The following DLG2 variants were observed in gnomAD, a reference collection of about 807,000 sequenced individuals.
DLG2 encodes the protein disks large homolog 2.
DLG2 carries 45 observed loss-of-function variants against 132.5 expected under a neutral mutation model. The ratio of observed to expected loss-of-function variants is 0.34; its 90% CI spans 0.27 to 0.44. DLG2 has a LOEUF of 0.44. Ranked by LOEUF, DLG2 falls within the 20% of genes least tolerant of loss-of-function variation. The pLI is 1.00. For missense variants in DLG2, 1,045 were observed against 1,196.9 expected (o/e 0.87, Z 1.87); for synonymous variants, 424 against 419.6 (o/e 1.01, Z -0.13).
At chr11:84,580,417 A>G (rs546187018) in intron 6 of DLG2, among the ~76,000 whole-genome samples, 27 of 152,318 alleles carry the variant, frequency 1.8e-4, no homozygotes, top group African/African-American at 6.3e-4. Flanking sequence ...TCTTACACAC[A>G]CTACATTAAC....
At chr11:84,385,326 T>G (rs2098765468) in intron 7 of DLG2, among the ~76,000 whole-genome samples, 1 of 152,130 alleles carries the variant, frequency 6.6e-6, no homozygotes, top group Non-Finnish European at 1.5e-5. Flanking sequence ...ATTATTTCAG[T>G]TCTATGAACA....
intron 6 of DLG2, among the ~76,000 whole-genome samples, chr11:84,700,990 A>C (rs575897255): frequency 6.6e-6 from 1 of 151,508 alleles, no homozygotes; most frequent in East Asian, 2.0e-4. Flanking sequence ...TCTGCTTTCC[A>C]TTCTGGCTTT....
At chr11:84,560,348 T>A (rs2099423760) in intron 6 of DLG2, among the ~76,000 whole-genome samples, 1 of 152,050 alleles carries the variant, frequency 6.6e-6, no homozygotes, top group Admixed American at 6.6e-5. Flanking sequence ...CAGTCCCCAT[T>A]AGGAGGGCTC....
At chr11:84,087,666 G>A (rs1280030188) in intron 10 of DLG2, among the ~76,000 whole-genome samples, 2 of 152,192 alleles carry the variant, frequency 1.3e-5, no homozygotes, top group South Asian at 2.1e-4. Flanking sequence ...ATAAAGAAGA[G>A]TTAGTAGAGT....
At chr11:85,488,208 G>A (rs1008350522) in intron 3 of DLG2, among the ~76,000 whole-genome samples, 2 of 152,132 alleles carry the variant, frequency 1.3e-5, no homozygotes, top group African/African-American at 4.8e-5. Context: ...GGTGAATGTG[G>A]TGAAACCCCA....
rs539664321 is a variant in DLG2, at chr11:84,270,364, T to C, written c.520-19073A>G. On this transcript the variant is annotated intron_variant, in intron 7 of 27. Coordinates refer to ENST00000376104, the MANE Select transcript of DLG2 (RefSeq NM_001142699.3). ...AACTTGCTTGAGACTCCAGATTTTA[T>C]TTACATCTTGTTAACTCTAGGGGAG... Among the ~76,000 whole-genome samples, 4 of 152,328 alleles carry C rather than the reference T, an allele frequency of 2.6e-5. No homozygotes were observed. In the South Asian group the frequency reaches 8.3e-4, roughly 32 times the overall value.
intron 3 of DLG2, among the ~76,000 whole-genome samples, chr11:85,539,115 C>T (rs572975932): frequency 1.3e-5 from 2 of 152,050 alleles, no homozygotes; most frequent in South Asian, 4.1e-4. Context: ...GAATGCCACA[C>T]ATGGATCAAG....
chr11:83,538,173 C>A (rs1007826044), intron 20 of DLG2, among the ~76,000 whole-genome samples: 1 of 152,204 alleles, frequency 6.6e-6, no homozygotes, highest in Non-Finnish European at 1.5e-5. Context: ...TATGATAACG[C>A]TGCCCATAAT....
chr11:83,863,055 T>C (rs1180663353), intron 16 of DLG2, among the ~76,000 whole-genome samples: 1 of 152,128 alleles, frequency 6.6e-6, no homozygotes, highest in Non-Finnish European at 1.5e-5. Context: ...ATATAGGCAA[T>C]CAAGAAGAGA....
chr11:84,493,417 C>T (rs1021986556), intron 7 of DLG2, among the ~76,000 whole-genome samples: 1 of 152,016 alleles, frequency 6.6e-6, no homozygotes, highest in Non-Finnish European at 1.5e-5. Flanking sequence ...TCCTAGTCAC[C>T]CATAAACTCT....
At chr11:83,494,871 A>G (rs1027970187) in intron 21 of DLG2, among the ~76,000 whole-genome samples, 21 of 152,302 alleles carry the variant, frequency 1.4e-4, no homozygotes, top group African/African-American at 4.3e-4. Context: ...CAACCAAATG[A>G]GATAGGCCAC....
chr11:85,438,734 T>C (rs1283114906), intron 3 of DLG2, among the ~76,000 whole-genome samples: 2 of 152,178 alleles, frequency 1.3e-5, no homozygotes, highest in Admixed American at 6.5e-5. Context: ...TCTATACAAT[T>C]TTATCATGTA....
chr11:84,606,351 G>A (rs972816265), intron 6 of DLG2, among the ~76,000 whole-genome samples: 1 of 152,040 alleles, frequency 6.6e-6, no homozygotes, highest in Non-Finnish European at 1.5e-5. Context: ...TATATAATGT[G>A]TGTCACTGTT....
intron 4 of DLG2, among the ~76,000 whole-genome samples, chr11:85,256,642 C>G (rs1414250794): frequency 6.6e-6 from 1 of 152,180 alleles, no homozygotes; most frequent in African/African-American, 2.4e-5. Flanking sequence ...ACCCGCCCAT[C>G]TGCATGCTCC....
chr11:84,180,649 A>AT (rs1395535854), intron 8 of DLG2, among the ~76,000 whole-genome samples: 16 of 152,188 alleles, frequency 1.1e-4, no homozygotes, highest in East Asian at 3.9e-4. Context: ...AAAATCAAGG[A>AT]TTTTTTTAAA....
intron 3 of DLG2, among the ~76,000 whole-genome samples, chr11:85,460,640 C>T (rs938660941): frequency 3.3e-5 from 5 of 152,170 alleles, no homozygotes; most frequent in African/African-American, 4.8e-5. Context: ...GAGAGGTGCA[C>T]ACTAGCTACT....
At chr11:85,031,039 C>G (rs147752618) in intron 6 of DLG2, among the ~76,000 whole-genome samples, 1 of 151,820 alleles carries the variant, frequency 6.6e-6, no homozygotes, top group African/African-American at 2.4e-5. Context: ...ATGAAATGTT[C>G]TATTTTATAT....
chr11:84,956,823 T>C (rs1470569682), intron 6 of DLG2, among the ~76,000 whole-genome samples: 1 of 152,208 alleles, frequency 6.6e-6, no homozygotes, highest in East Asian at 1.9e-4. Context: ...GTGAAGTATA[T>C]GATTCTAAAA....
chr11:84,435,479 C>G (rs2098997680), intron 7 of DLG2, among the ~76,000 whole-genome samples: 1 of 152,024 alleles, frequency 6.6e-6, no homozygotes, highest in Non-Finnish European at 1.5e-5. Flanking sequence ...ACCTAATGTT[C>G]AAAATTAACT....
Sources: gnomAD v4.1 joint callset for allele counts (sites outside exome capture counted in the v4.1 genomes callset) on GRCh38, gnomAD v4.1.1 for gene constraint, MANE v1.5 for transcripts, NCBI Gene and HGNC (gene_info 2026-07-23, HGNC 2026-07-21) for gene names.